The following KLHL7 variants were observed in gnomAD, a reference collection of about 807,000 sequenced individuals.
KLHL7 encodes kelch like family member 7.
KLHL7 carries 44 observed loss-of-function variants against 67.4 expected under a neutral mutation model. The observed-to-expected ratio is 0.65, with a 90% CI of 0.51 to 0.84. The LOEUF is 0.84. Among genes scored for constraint, KLHL7 ranks in the 40% least tolerant of loss-of-function variants. The probability of loss-of-function intolerance (pLI) is 0.00; values close to 1 mark genes in which losing one functional copy is unlikely to be tolerated. For missense variants in KLHL7, 362 were observed against 718.1 expected, an observed-to-expected ratio of 0.50 and a Z score of 5.67; for synonymous variants, 252 against 243.3, an observed-to-expected ratio of 1.04 and a Z score of -0.33.
chr7:23,161,921 A>G (rs1784864373), intron 7 of KLHL7, among the ~76,000 whole-genome samples: 5 of 152,362 alleles, frequency 3.3e-5, no homozygotes, highest in African/African-American at 1.2e-4. Context: ...ACTCATTTTC[A>G]CAACAGCTGT....
chr7:23,119,350 G>T (rs1362815039), intron 1 of KLHL7, among the ~76,000 whole-genome samples: 1 of 152,006 alleles, frequency 6.6e-6, no homozygotes, highest in Non-Finnish European at 1.5e-5. Context: ...GATTACAGGC[G>T]TGCGCCACCA....
rs140140207 is a variant in KLHL7 at position 23,141,054 on chromosome 7, T to C, written c.618+110T>C. The C allele has an allele frequency of 4.2e-3, 4,054 of 967,094 alleles. 14 individuals carry two copies. Among genetic ancestry groups the C allele is most frequent in the Non-Finnish European group, 5.8e-3 (3,544 of 612,628 alleles). The allele number at this position is 967,094 out of a possible 1,614,324, so 59.9% of individuals were successfully genotyped here. On this transcript the variant is annotated intron_variant, in intron 5 of 10. Transcript: ENST00000339077. ...GAAAGAGTCATATTAGGAAAGAATA[T>C]GTTCTTTACACTAAACAGAGTATTG...
At chr7:23,124,807 A>G in intron 3 of KLHL7, 26 bp downstream of exon 3, 1 of 1,422,930 alleles carries the variant, frequency 7.0e-7, no homozygotes, top group Non-Finnish European at 9.9e-7. Context: ...TTTTTATTTT[A>G]GAGAAGTAAT....
chr7:23,167,879 T>C lies in KLHL7; in HGVS notation c.1221T>C (p.Thr407=). Residue 407 remains threonine, a synonymous_variant, in exon 9 of 11, where the codon ACT becomes ACC. Coordinates refer to ENST00000339077, the MANE Select transcript of KLHL7 (RefSeq NM_001031710.3). The stretch of plus-strand genomic sequence containing the variant: ...TATTTGAGTGCTATGATACGAGAAC[T>C]GAAAGCTGGCACACAAAGCCCAGCA... ...LYLFECYDTR[T]ESWHTKPSML... The C allele has an allele frequency of 3.1e-6, 5 of 1,614,216 alleles. No homozygotes were observed. The highest frequency in any genetic ancestry group is 4.2e-6 in the Non-Finnish European group (5 of 1,180,046).
intron 7 of KLHL7, among the ~76,000 whole-genome samples, chr7:23,157,018 G>A (rs954259767): frequency 3.2e-4 from 49 of 152,076 alleles, no homozygotes; most frequent in South Asian, 2.1e-4. Flanking sequence ...TATCATAGCC[G>A]CCTTCCCTCT....
chr7:23,160,075 C>A (rs1053608204), intron 7 of KLHL7, among the ~76,000 whole-genome samples: 1 of 152,174 alleles, frequency 6.6e-6, no homozygotes, highest in Non-Finnish European at 1.5e-5. Flanking sequence ...TGGGACATCT[C>A]CTGTACTCTG....
At chr7:23,144,856 G>A (rs1784305239) in intron 6 of KLHL7, among the ~76,000 whole-genome samples, 1 of 151,744 alleles carries the variant, frequency 6.6e-6, no homozygotes, top group Non-Finnish European at 1.5e-5. Flanking sequence ...ACAGCATTTT[G>A]GTAGGTCAAG....
At chr7:23,167,134 A>T (rs1283643832) in intron 8 of KLHL7, among the ~76,000 whole-genome samples, 2 of 151,914 alleles carry the variant, frequency 1.3e-5, no homozygotes, top group Non-Finnish European at 2.9e-5. Flanking sequence ...TGTCCTTGGG[A>T]AGGAAAAAAA....
Position 23,140,908 on chromosome 7 carries a change from C to T in KLHL7, c.582C>T (p.Leu194=). 1 of 1,614,022 alleles carries T rather than the reference C, an allele frequency of 6.2e-7. No homozygotes were observed. Among genetic ancestry groups the T allele is most frequent in the African/African-American group, 1.3e-5 (1 of 75,046 alleles). Residue 194 remains leucine, a synonymous_variant, in exon 5 of 11, where the codon CTC becomes CTT. Coordinates refer to ENST00000339077, the MANE Select transcript of KLHL7 (RefSeq NM_001031710.3). ...ATGTCAAGCGAGTAACACATCTTCT[C>T]AACCAGGACACTCTGACTGTGAGAG... ...QLDVKRVTHL[L]NQDTLTVRAE...
intron 1 of KLHL7, among the ~76,000 whole-genome samples, chr7:23,113,102 G>T (rs1246672675): frequency 6.6e-5 from 10 of 150,470 alleles, no homozygotes; most frequent in Admixed American, 6.6e-4. Context: ...AAGAATGAAG[G>T]AGTTTCTATC....
chr7:23,152,155 C>T lies in KLHL7; in HGVS notation c.882C>T (p.Arg294=), dbSNP rs779881906. 1.2e-5 allele frequency: 19 copies of T among 1,613,762 alleles called. No homozygotes were observed. Among genetic ancestry groups the T allele is most frequent in the Non-Finnish European group, 1.5e-5 (18 of 1,179,804 alleles). Residue 294 remains arginine (R), a synonymous_variant, in exon 7 of 11, where the codon CGC becomes CGT. Coordinates refer to ENST00000339077, the MANE Select transcript of KLHL7 (RefSeq NM_001031710.3). ...TRPRRKKHDY[R]IALFGGSQPQ... ...CTAGAAGAAAGAAACATGACTACCG[C>T]ATAGCCCTATTTGGAGGCTCTCAAC...
Position 23,106,093 on chromosome 7 carries a change from G to T in KLHL7, c.67G>T (p.Glu23Ter). The T allele has an allele frequency of 6.2e-7, 1 of 1,609,504 alleles. No homozygotes were observed. The highest frequency in any genetic ancestry group is 8.5e-7 in the Non-Finnish European group (1 of 1,178,230). The change falls in exon 1 of 11, where the codon GAA becomes TAA. Residue 23 changes from glutamate (E) to a stop codon, truncating the protein, a stop_gained. Coordinates refer to ENST00000339077, the MANE Select transcript of KLHL7 (RefSeq NM_001031710.3). LOFTEE classifies it high-confidence loss of function. ...CGAGAAGAAACTTGCTGCTCGGGAA[G>T]AAGCTAAATTGTTGGCGGGTTTCAT... ...KTEKKLAARE[E>*]AKLLAGFMGV...
Position 23,168,005 on chromosome 7 carries a change from T to C in KLHL7, c.1347T>C (p.Asn449=), listed in dbSNP as rs1785052237. The part of the protein sequence containing the change: ...LGNNVSGRVL[N]SCEVYDPATE... ...ACAATGTTTCTGGGAGAGTGCTTAA[T>C]TCCTGTGAAGTTTATGATCCTGCCA... The change falls in exon 9 of 11, where the codon AAT becomes AAC. Residue 449 remains asparagine, a synonymous_variant. Coordinates refer to ENST00000339077, the MANE Select transcript of KLHL7 (RefSeq NM_001031710.3). 6.2e-7 allele frequency: 1 copy of C among 1,614,128 alleles called. No individual in the cohort carries two copies. The highest frequency in any genetic ancestry group is 1.3e-5 in the African/African-American group (1 of 74,954).
At chr7:23,147,051 A>AAATTGTAT (rs1360854498) in intron 6 of KLHL7, among the ~76,000 whole-genome samples, 7 of 150,802 alleles carry the variant, frequency 4.6e-5, no homozygotes, top group Non-Finnish European at 8.9e-5. Flanking sequence ...TTGTCATTGT[A>AAATTGTAT]AATTGTATCT....
intron 1 of KLHL7, among the ~76,000 whole-genome samples, chr7:23,107,283 A>C (rs1037158216): frequency 2.0e-5 from 3 of 152,216 alleles, no homozygotes; most frequent in African/African-American, 7.2e-5. Flanking sequence ...ACTGACTTTC[A>C]TGTATCTATT....
At chr7:23,172,245 C>T in intron 9 of KLHL7, 4 of 454,500 alleles carry the variant, frequency 8.8e-6, no homozygotes, top group South Asian at 6.2e-5. Context: ...ACTCGATTGT[C>T]TGTGTATATA....
At chr7:23,138,218 C>A (rs1784050251) in intron 4 of KLHL7, among the ~76,000 whole-genome samples, 1 of 151,172 alleles carries the variant, frequency 6.6e-6, no homozygotes, top group Non-Finnish European at 1.5e-5. Flanking sequence ...AATCCCAGCA[C>A]TTTGGAAGGC....
chr7:23,150,441 C>T (rs1374417035), intron 6 of KLHL7, among the ~76,000 whole-genome samples: 2 of 152,096 alleles, frequency 1.3e-5, no homozygotes, highest in African/African-American at 2.4e-5. Context: ...TTAACACAAA[C>T]AGTAGTGCAC....
At position 23,177,815 on chromosome 7, in the gene KLHL7, C is replaced by CAT. The variant is rs1785323150; in HGVS notation, c.*3520_*3521dup. Reference sequence around the variant, plus strand: ...TGTGGTCCAGCTGGCAAAAACTTGACATATCATCCCATGAAAATTTTAAGT... The same window carrying CAT: ...TGTGGTCCAGCTGGCAAAAACTTGACATATATCATCCCATGAAAATTTTAAGT... On this transcript the variant is annotated 3_prime_UTR_variant, in exon 11 of 11. Transcript: ENST00000339077. 1 of 152,118 alleles carries CAT rather than the reference C, an allele frequency of 6.6e-6. No individual in the cohort carries two copies. The highest frequency in any genetic ancestry group is 2.4e-5 in the African/African-American group (1 of 41,508). 9.4% of individuals were successfully genotyped at this position (152,118 alleles called of 1,614,324 possible).
Sources: allele counts gnomAD v4.1 joint callset (sites outside exome capture counted in the v4.1 genomes callset), GRCh38; gene constraint gnomAD v4.1.1; transcripts MANE v1.5; gene names NCBI Gene and HGNC (gene_info 2026-07-23, HGNC 2026-07-21).